Variants in MGAT4A observed in about 807,000 individuals in gnomAD.
MGAT4A encodes alpha-1,3-mannosyl-glycoprotein 4-beta-N-acetylglucosaminyltransferase A, also known as N-acetylglucosaminyltransferase IVa.
A neutral mutation model predicts 74.1 loss-of-function variants in MGAT4A; 33 were observed. The observed-to-expected ratio is 0.45, with a 90% CI of 0.34 to 0.60. The LOEUF (loss-of-function observed/expected upper bound fraction) is 0.60. MGAT4A is among the 20% of genes least tolerant of loss of function. The pLI is 0.02. For synonymous variants in MGAT4A, 198 were observed against 210.4 expected (o/e 0.94, Z 0.51); for missense variants, 479 against 628.3 (o/e 0.76, Z 2.54).
At chr2:98,702,033 G>A (rs995098748) in intron 2 of MGAT4A, among the ~76,000 whole-genome samples, 1 of 152,186 alleles carries the variant, frequency 6.6e-6, no homozygotes, top group African/African-American at 2.4e-5. Context: ...CTATAAAGCT[G>A]GTCAAGAGTC....
chr2:98,658,240 C>T lies in MGAT4A; in HGVS notation c.562G>A (p.Val188Ile), dbSNP rs753266254. Residue 188 changes from valine to isoleucine, a missense_variant, in exon 6 of 16, where the codon GTT becomes ATT. Physicochemically the swap from Val to Ile is conservative, Grantham distance 29. Coordinates refer to ENST00000393487, the MANE Select transcript of MGAT4A (RefSeq NM_012214.3). ...TACTCTTTCTCCAGGTTGGCTACAA[C>T]ACCATGTACATAATCAATATCTGTC... Reference protein sequence around the residue: ...GETDIDYVHGVVANLEKEFSK... With the variant: ...GETDIDYVHGIVANLEKEFSK... 6.4e-7 allele frequency: 1 copy of T among 1,571,808 alleles called. No homozygotes were observed. The highest frequency in any genetic ancestry group is 1.2e-5 in the South Asian group (1 of 85,466).
intron 2 of MGAT4A, among the ~76,000 whole-genome samples, chr2:98,699,029 C>G (rs1332703096): frequency 6.6e-6 from 1 of 152,164 alleles, no homozygotes; most frequent in Non-Finnish European, 1.5e-5. Context: ...TTCAGTGATT[C>G]ACTTGAAGGA....
chr2:98,656,965 G>T (rs1261020933), intron 6 of MGAT4A, among the ~76,000 whole-genome samples: 13 of 152,104 alleles, frequency 8.5e-5, no homozygotes, highest in African/African-American at 3.1e-4. Context: ...CTGTCCCTCT[G>T]GAAGACATTT....
Position 98,656,455 on chromosome 2 carries a change from C to A in MGAT4A, c.595G>T (p.Glu199Ter). ...ACTTCCACCAAGCCAGAACTGATTT[C>A]TTTAGAAAATCTATTATGAGAAAGT... ...VANLEKEFSKEISSGLVEVIS... is the reference protein window; with the variant it reads ...VANLEKEFSK The change falls in exon 7 of 16, where the codon GAA (glutamate) becomes TAA (stop). Residue 199 changes from glutamate (E) to a stop codon, truncating the protein, a stop_gained. Coordinates refer to ENST00000393487, the MANE Select transcript of MGAT4A (RefSeq NM_012214.3). LOFTEE classifies it high-confidence loss of function. 6.3e-7 allele frequency: 1 copy of A among 1,595,548 alleles called. No homozygotes were observed. The highest frequency in any genetic ancestry group is 8.5e-7 in the Non-Finnish European group (1 of 1,172,466).
At chr2:98,656,957 G>C (rs1490488777) in intron 6 of MGAT4A, among the ~76,000 whole-genome samples, 1 of 152,152 alleles carries the variant, frequency 6.6e-6, no homozygotes, top group African/African-American at 2.4e-5. Flanking sequence ...GGGTGATTCT[G>C]TCCCTCTGGA....
intron 5 of MGAT4A, among the ~76,000 whole-genome samples, chr2:98,659,537 C>A (rs1401804830): frequency 6.6e-5 from 10 of 152,292 alleles, no homozygotes; most frequent in Admixed American, 5.2e-4. Context: ...CGAATTGTAG[C>A]TCCCATAATT....
At chr2:98,685,906 C>T (rs577583328) in intron 2 of MGAT4A, among the ~76,000 whole-genome samples, 1 of 152,224 alleles carries the variant, frequency 6.6e-6, no homozygotes, top group South Asian at 2.1e-4. Flanking sequence ...GCATTGTCCT[C>T]GGGGTAGTTC....
chr2:98,676,149 C>T (rs183594394), intron 3 of MGAT4A, among the ~76,000 whole-genome samples: 1 of 152,130 alleles, frequency 6.6e-6, no homozygotes, highest in African/African-American at 2.4e-5. Context: ...AGCAAGCTAG[C>T]AGTAGGAATT....
chr2:98,655,510 T>C lies in MGAT4A; in HGVS notation c.709A>G (p.Lys237Glu), dbSNP rs776429171. 2 of 1,609,240 alleles carry C rather than the reference T, an allele frequency of 1.2e-6. No homozygotes were observed. Among genetic ancestry groups the C allele is most frequent in the Non-Finnish European group, 1.7e-6 (2 of 1,176,780 alleles). The change falls in exon 8 of 16, where the codon AAG (lysine) becomes GAG (glutamate). Residue 237 changes from lysine (K) to glutamate (E), a missense_variant. Physicochemically the swap from Lys to Glu is moderately conservative, Grantham distance 56. Transcript: ENST00000393487. Reference sequence around the variant, plus strand: ...AGAAAACAGTAATCTAGGTTTTGCTTTGTTCTCCATCTGAAATAAACATTT... The same window carrying C: ...AGAAAACAGTAATCTAGGTTTTGCTCTGTTCTCCATCTGAAATAAACATTT... Reference protein sequence around the residue: ...DSKERVRWRTKQNLDYCFLMM... With the variant: ...DSKERVRWRTEQNLDYCFLMM...
intron 2 of MGAT4A, among the ~76,000 whole-genome samples, chr2:98,682,391 C>T (rs1702071775): frequency 7.6e-6 from 1 of 132,374 alleles, no homozygotes. Flanking sequence ...CATTGCACTC[C>T]AGCCTGGGCA....
chr2:98,696,103 G>A (rs1013867638), intron 2 of MGAT4A, among the ~76,000 whole-genome samples: 2 of 151,866 alleles, frequency 1.3e-5, no homozygotes, highest in Admixed American at 1.3e-4. Context: ...AGCTGGTCTC[G>A]AACTCCTGAC....
At chr2:98,645,153 T>C (rs1701466506) in intron 9 of MGAT4A, among the ~76,000 whole-genome samples, 1 of 152,198 alleles carries the variant, frequency 6.6e-6, no homozygotes, top group Non-Finnish European at 1.5e-5. Flanking sequence ...GAGCTGGAAA[T>C]GCCAGAGAAG....
At chr2:98,702,664 G>A (rs951372266) in intron 2 of MGAT4A, among the ~76,000 whole-genome samples, 2 of 152,214 alleles carry the variant, frequency 1.3e-5, no homozygotes, top group Non-Finnish European at 2.9e-5. Context: ...AACAGGTCCT[G>A]AGCAGAGAAG....
At chr2:98,688,364 C>T (rs866701500) in intron 2 of MGAT4A, among the ~76,000 whole-genome samples, 9 of 152,148 alleles carry the variant, frequency 5.9e-5, no homozygotes, top group Admixed American at 2.0e-4. Context: ...CAGTGACCCT[C>T]GTCCTTCTGG....
intron 13 of MGAT4A, 81 bp downstream of exon 13, chr2:98,636,436 C>T (rs1361023028): frequency 9.5e-7 from 1 of 1,049,324 alleles, no homozygotes; most frequent in Non-Finnish European, 1.5e-6. Flanking sequence ...ATTTTCTTTC[C>T]CCTTAAAAAC....
chr2:98,675,789 A>G (rs566533867), intron 3 of MGAT4A, among the ~76,000 whole-genome samples: 1 of 152,340 alleles, frequency 6.6e-6, no homozygotes, highest in East Asian at 1.9e-4. Context: ...TCCTGGCTCA[A>G]GCAATCCTCC....
rs146621615 is a variant in MGAT4A at position 98,714,371 on chromosome 2, GC to G, written c.94+11867del. On this transcript the variant is annotated intron_variant, in intron 2 of 15. Coordinates refer to ENST00000393487, the MANE Select transcript of MGAT4A (RefSeq NM_012214.3). ...CAAAGTGCTGGGATTATAGGCATGA[GC>G]CACCGCATCCTGCCAGAGCCATATT... Among the ~76,000 whole-genome samples, 1,084 of 152,292 alleles carry G rather than the reference GC, an allele frequency of 7.1e-3. 12 individuals are homozygous for G. The highest frequency in any genetic ancestry group is 0.025 in the African/African-American group (1,034 of 41,550).
In MGAT4A at chr2:98,656,408, A is replaced by G; in HGVS notation, c.642T>C (p.Tyr214=). The G allele has an allele frequency of 6.2e-7, 1 of 1,612,854 alleles. No individual in the cohort carries two copies. The highest frequency in any genetic ancestry group is 8.5e-7 in the Non-Finnish European group (1 of 1,179,348). The change falls in exon 7 of 16, where the codon TAT becomes TAC. Residue 214 remains tyrosine (Y), a synonymous_variant. Transcript: ENST00000393487. The part of the protein sequence containing the change: ...LVEVISPPES[Y]YPDLTNLKET... The stretch of plus-strand genomic sequence containing the variant: ...CCTTTAGGTTTGTCAAGTCAGGATA[A>G]TAGCTTTCAGGGGGTGATATGACTT...
In MGAT4A at chr2:98,666,692, C is replaced by CA. The variant is rs1184837604; in HGVS notation, c.404-3514dup. Among the ~76,000 whole-genome samples, 545 of 132,674 alleles carry CA rather than the reference C, an allele frequency of 4.1e-3. 1 individual carries two copies. Among genetic ancestry groups the CA allele is most frequent in the Admixed American group, 8.0e-3 (106 of 13,186 alleles). 87.0% of individuals were successfully genotyped at this position (132,674 alleles called of 152,430 possible). A position where few individuals can be genotyped will look rare whatever the true frequency, so the allele number is the denominator to read the frequency against. On this transcript the variant is annotated intron_variant, in intron 4 of 15. Transcript: ENST00000393487. The stretch of plus-strand genomic sequence containing the variant: ...TGGGCGACAGAGCAAGACCCTGTCT[C>CA]AAAAAAAAAAAAAATTACCAGCGTA...
Sources: gnomAD v4.1 joint callset for allele counts (sites outside exome capture counted in the v4.1 genomes callset) on GRCh38, gnomAD v4.1.1 for gene constraint, MANE v1.5 for transcripts, NCBI Gene and HGNC (gene_info 2026-07-23, HGNC 2026-07-21) for gene names.